Variants in TLN2 observed in about 807,000 individuals in gnomAD.
The protein encoded by TLN2 is talin-2.
Under a neutral mutation model 294.7 loss-of-function variants are expected in TLN2, and 118 were observed. The ratio of observed to expected loss-of-function variants is 0.40; its 90% CI spans 0.34 to 0.47. The LOEUF is 0.47. Among genes scored for constraint, TLN2 ranks in the 20% least tolerant of loss-of-function variants. TLN2 has a pLI of 0.84. For synonymous variants in TLN2, 1,431 were observed against 1,304.5 expected (o/e 1.10, Z -2.09); for missense variants, 3,083 against 3,282.2 (o/e 0.94, Z 1.48).
chr15:62,555,823 T>C (rs1236647695), intron 1 of TLN2, among the ~76,000 whole-genome samples: 2 of 152,206 alleles, frequency 1.3e-5, no homozygotes, highest in Non-Finnish European at 2.9e-5. Context: ...GTTCTAGTGA[T>C]AATAGAATAT....
intron 32 of TLN2, among the ~76,000 whole-genome samples, chr15:62,747,941 A>G (rs1001216826): frequency 6.6e-6 from 1 of 152,162 alleles, no homozygotes; most frequent in African/African-American, 2.4e-5. Context: ...CGTCACATTG[A>G]GTAGGCAGCG....
rs535466106 is a variant in TLN2 at position 62,587,991 on chromosome 15, C to T, written c.-237-1696C>T. ...CGCCTCCCGGGTTCACACTATTCTC[C>T]TGCCTCAGCCCCCACAGTAGCTGGG... On this transcript the variant is annotated intron_variant, in intron 1 of 58. Transcript: ENST00000636159. 2.2e-3 allele frequency among the ~76,000 whole-genome samples: 333 copies of T among 152,242 alleles called. 1 individual carries two copies. Among genetic ancestry groups the T allele is most frequent in the African/African-American group, 7.8e-3 (323 of 41,538 alleles).
intron 3 of TLN2, among the ~76,000 whole-genome samples, chr15:62,636,890 C>G (rs147697246): frequency 6.6e-6 from 1 of 152,196 alleles, no homozygotes; most frequent in Non-Finnish European, 1.5e-5. Context: ...GTTCTTGTCA[C>G]TCATTCTTCC....
chr15:62,462,049 C>T (rs1160184169), intron 1 of TLN2, among the ~76,000 whole-genome samples: 9 of 152,034 alleles, frequency 5.9e-5, no homozygotes, highest in African/African-American at 1.7e-4. Flanking sequence ...GGTGAAACCC[C>T]GTCTCTACTA....
At chr15:62,677,965 C>A (rs1006905487) in intron 11 of TLN2, among the ~76,000 whole-genome samples, 2 of 151,630 alleles carry the variant, frequency 1.3e-5, no homozygotes, top group African/African-American at 4.8e-5. Flanking sequence ...CCAGCTAATT[C>A]TGTATTTTTG....
intron 1 of TLN2, among the ~76,000 whole-genome samples, chr15:62,562,097 A>G (rs1392328017): frequency 6.6e-6 from 1 of 152,120 alleles, no homozygotes; most frequent in Non-Finnish European, 1.5e-5. Context: ...TAATAGATAC[A>G]CCCGAATCGT....
intron 55 of TLN2, chr15:62,835,473 G>A (rs892740379): frequency 1.5e-5 from 8 of 546,892 alleles, no homozygotes; most frequent in Middle Eastern, 4.9e-4. Context: ...TCCCAGAATT[G>A]CAGTACCTGG....
intron 32 of TLN2, among the ~76,000 whole-genome samples, chr15:62,745,450 G>T (rs1030764638): frequency 6.6e-6 from 1 of 152,104 alleles, no homozygotes; most frequent in African/African-American, 2.4e-5. Context: ...CTAATGGGGG[G>T]TAGATTTATT....
chr15:62,582,985 C>T (rs1279295392), intron 1 of TLN2, among the ~76,000 whole-genome samples: 2 of 152,052 alleles, frequency 1.3e-5, no homozygotes, highest in Non-Finnish European at 2.9e-5. Flanking sequence ...GACACTTTAT[C>T]CCTGCTCTTT....
chr15:62,603,603 A>C (rs2047178941), intron 2 of TLN2, among the ~76,000 whole-genome samples: 1 of 152,174 alleles, frequency 6.6e-6, no homozygotes, highest in African/African-American at 2.4e-5. Flanking sequence ...GATACTCTTA[A>C]AATCATTATT....
intron 1 of TLN2, among the ~76,000 whole-genome samples, chr15:62,445,804 C>T (rs2035792076): frequency 6.6e-6 from 1 of 152,008 alleles, no homozygotes; most frequent in Non-Finnish European, 1.5e-5. Flanking sequence ...TCTGGAACTA[C>T]AGGCACATGC....
At chr15:62,413,770 C>T (rs1385143365) in intron 1 of TLN2, among the ~76,000 whole-genome samples, 2 of 152,168 alleles carry the variant, frequency 1.3e-5, no homozygotes, top group Non-Finnish European at 2.9e-5. Flanking sequence ...TGGATAGAGG[C>T]ATTTTCTGTG....
chr15:62,766,370 T>C lies in TLN2; in HGVS notation c.5144T>C (p.Ile1715Thr). 2 of 1,613,268 alleles carry C rather than the reference T, an allele frequency of 1.2e-6. No individual in the cohort carries two copies. Among genetic ancestry groups the C allele is most frequent in the South Asian group, 2.2e-5 (2 of 91,048 alleles). The change falls in exon 41 of 59, where the codon ATC becomes ACC. Residue 1715 changes from isoleucine to threonine, a missense_variant. Physicochemically the swap from Ile to Thr is moderately conservative, Grantham distance 89 (BLOSUM62 -1). Transcript: ENST00000636159. ...GTGGTCCAGGAAATCGGACACCTTA[T>C]CGATCCCATCGCCACAGCGGCTCGG... is the stretch of plus-strand genomic sequence containing the variant. ...TSVVQEIGHL[I>T]DPIATAARGE...
At chr15:62,614,792 T>C (rs1004461901) in intron 2 of TLN2, among the ~76,000 whole-genome samples, 1 of 152,208 alleles carries the variant, frequency 6.6e-6, no homozygotes, top group African/African-American at 2.4e-5. Context: ...CCACCATCTT[T>C]CTGTCCCAAT....
chr15:62,461,147 A>C (rs1163662119), intron 1 of TLN2, among the ~76,000 whole-genome samples: 1 of 151,932 alleles, frequency 6.6e-6, no homozygotes, highest in African/African-American at 2.4e-5. Context: ...ACGGGGTTTC[A>C]CCATATTGGC....
At chr15:62,803,496 T>C (rs1270123277) in intron 50 of TLN2, among the ~76,000 whole-genome samples, 1 of 152,214 alleles carries the variant, frequency 6.6e-6, no homozygotes, top group African/African-American at 2.4e-5. Flanking sequence ...TGCTTCATTG[T>C]TTTCTATTCT....
chr15:62,590,850 A>G (rs913428256), intron 2 of TLN2, among the ~76,000 whole-genome samples: 2 of 152,116 alleles, frequency 1.3e-5, no homozygotes, highest in East Asian at 3.8e-4. Context: ...CCAGCTGCAG[A>G]ACTTGGGACA....
intron 1 of TLN2, among the ~76,000 whole-genome samples, chr15:62,522,966 A>T (rs1235621897): frequency 7.2e-6 from 1 of 139,784 alleles, no homozygotes; most frequent in East Asian, 2.4e-4. Context: ...ACACACACAC[A>T]CACACACACA....
intron 1 of TLN2, among the ~76,000 whole-genome samples, chr15:62,420,953 T>G (rs1337365763): frequency 1.3e-5 from 2 of 152,190 alleles, no homozygotes; most frequent in Admixed American, 6.5e-5. Flanking sequence ...AGAAAGGTCT[T>G]CAGGACTAAT....
Sources: gnomAD v4.1 joint callset for allele counts (sites outside exome capture counted in the v4.1 genomes callset) on GRCh38, gnomAD v4.1.1 for gene constraint, MANE v1.5 for transcripts, NCBI Gene and HGNC (gene_info 2026-07-23, HGNC 2026-07-21) for gene names.